TRAIP: variants seen among roughly 807,000 people sequenced by gnomAD.
The protein encoded by TRAIP is TRAF interacting protein.
Under a neutral mutation model 65.0 loss-of-function variants are expected in TRAIP, and 37 were observed. That is an observed-to-expected ratio of 0.57 (90% CI 0.44 to 0.75). The LOEUF (loss-of-function observed/expected upper bound fraction) is 0.75, where lower values mean the gene tolerates loss of function less well. TRAIP is among the 30% of genes least tolerant of loss of function. The pLI, the probability that TRAIP is intolerant of heterozygous loss-of-function variation, is 0.00. For missense variants in TRAIP, 481 were observed against 579.4 expected (o/e 0.83, Z 1.74); for synonymous variants, 187 against 219.1 (o/e 0.85, Z 1.29).
At chr3:49,856,268 C>A in intron 1 of TRAIP, 88 bp downstream of exon 1, 1 of 1,158,530 alleles carries the variant, frequency 8.6e-7, no homozygotes, top group Non-Finnish European at 1.3e-6. Context: ...GTCTGGATTC[C>A]GGGGTTGGAC....
chr3:49,842,023 C>T, intron 6 of TRAIP, 84 bp from the exon 7 acceptor site: 3 of 1,123,350 alleles, frequency 2.7e-6, no homozygotes, highest in Non-Finnish European at 4.0e-6. Context: ...TCCTTTGCTG[C>T]CGTTGCTAAG....
chr3:49,843,689 C>T, intron 5 of TRAIP, 112 bp downstream of exon 5: 1 of 1,466,536 alleles, frequency 6.8e-7, no homozygotes, highest in Non-Finnish European at 9.3e-7. Context: ...TACAACTCCC[C>T]AAACCAAGGT....
chr3:49,835,680 C>T (rs536613039), intron 10 of TRAIP, among the ~76,000 whole-genome samples: 3 of 152,138 alleles, frequency 2.0e-5, no homozygotes, highest in East Asian at 3.9e-4. Flanking sequence ...TGGCGCACAC[C>T]TGTAATCCCA....
Position 49,845,536 on chromosome 3 carries a change from G to A in TRAIP, c.241-956C>T, listed in dbSNP as rs576398443. On this transcript the variant is annotated intron_variant, in intron 3 of 14. Transcript: ENST00000331456. ...CAAACTCTCCACCTAGGACTCTGGG[G>A]GCAAGAGCTTCTGGTGGCTGGGCTG... Among the ~76,000 whole-genome samples, 28 of 152,338 alleles carry A rather than the reference G, an allele frequency of 1.8e-4. No homozygotes were observed. The South Asian group carries it at 5.4e-3, about 29-fold the overall frequency.
At position 49,829,069 on chromosome 3, in the gene TRAIP, G is replaced by A. The variant is rs764405611; in HGVS notation, c.*34C>T. ...ACAGTCCTTGACCTACAAGTTGCAG[G>A]CATGTGTCTGGCCATTGGTCAGACT... On this transcript the variant is annotated 3_prime_UTR_variant, in exon 15 of 15. Transcript: ENST00000331456. The A allele has an allele frequency of 2.3e-5, 37 of 1,613,940 alleles. No individual in the cohort carries two copies. Among genetic ancestry groups the A allele is most frequent in the Non-Finnish European group, 3.1e-5 (37 of 1,179,946 alleles).
In TRAIP at chr3:49,829,729, C is replaced by T. The variant is rs2081715743; in HGVS notation, c.1124G>A (p.Gly375Glu). 1 of 1,614,056 alleles carries T rather than the reference C, an allele frequency of 6.2e-7. No homozygotes were observed. Among genetic ancestry groups the T allele is most frequent in the South Asian group, 1.1e-5 (1 of 91,090 alleles). Residue 375 changes from glycine to glutamate, a missense_variant, in exon 13 of 15, where the codon GGA (glycine) becomes GAA (glutamate). Transcript: ENST00000331456. ...QLSLGGQSCA[G>E]EPDEELVGAF... ...ACCAACCAGTTCCTCATCTGGCTCTCCTGCACAGCTCTGGCCACCCAGTGA... is the reference window on the plus strand; with the variant it reads ...ACCAACCAGTTCCTCATCTGGCTCTTCTGCACAGCTCTGGCCACCCAGTGA...
intron 4 of TRAIP, among the ~76,000 whole-genome samples, chr3:49,844,305 T>C (rs2081865228): frequency 1.3e-5 from 2 of 152,164 alleles, no homozygotes; most frequent in Non-Finnish European, 2.9e-5. Context: ...TCTTGGTTCC[T>C]GGGCAAGAAG....
chr3:49,852,005 A>AT (rs2081936086), intron 1 of TRAIP, among the ~76,000 whole-genome samples: 1 of 151,466 alleles, frequency 6.6e-6, no homozygotes, highest in Non-Finnish European at 1.5e-5. Context: ...CCAAAAAAAC[A>AT]TTTTTTTAAG....
At chr3:49,844,762 G>T (rs916035462) in intron 3 of TRAIP, among the ~76,000 whole-genome samples, 182 bp from the exon 4 acceptor site, 1 of 152,244 alleles carries the variant, frequency 6.6e-6, no homozygotes, top group East Asian at 1.9e-4. Context: ...GTAGCTCTAT[G>T]TGCCCTTTTG....
intron 10 of TRAIP, among the ~76,000 whole-genome samples, chr3:49,837,172 T>C (rs1163697465): frequency 6.6e-6 from 1 of 152,008 alleles, no homozygotes; most frequent in African/African-American, 2.4e-5. Context: ...GGCAGAGTCT[T>C]TGAGGTCACT....
At chr3:49,849,657 C>T (rs2108320683) in intron 1 of TRAIP, among the ~76,000 whole-genome samples, 1 of 151,798 alleles carries the variant, frequency 6.6e-6, no homozygotes, top group Non-Finnish European at 1.5e-5. Context: ...AAAAGCAAAA[C>T]ACAGCTGAGC....
At chr3:49,851,441 T>G (rs1184024765) in intron 1 of TRAIP, among the ~76,000 whole-genome samples, 2 of 152,222 alleles carry the variant, frequency 1.3e-5, no homozygotes, top group African/African-American at 4.8e-5. Context: ...CAGGCTGGAG[T>G]GCAGCAGCAC....
chr3:49,842,393 C>T (rs927644431), intron 6 of TRAIP, 60 bp downstream of exon 6: 9 of 1,537,124 alleles, frequency 5.9e-6, no homozygotes, highest in Non-Finnish European at 8.1e-6. Flanking sequence ...GTCCTAAGAA[C>T]TGTACCACTT....
At chr3:49,838,091 C>T (rs1181072091) in intron 10 of TRAIP, among the ~76,000 whole-genome samples, 1 of 152,128 alleles carries the variant, frequency 6.6e-6, no homozygotes, top group African/African-American at 2.4e-5. Flanking sequence ...TGGTCTTGAA[C>T]TCCTGGACTC....
intron 10 of TRAIP, among the ~76,000 whole-genome samples, chr3:49,834,730 T>G (rs2081765810): frequency 6.6e-6 from 1 of 152,034 alleles, no homozygotes; most frequent in South Asian, 2.1e-4. Context: ...CCTACCCACA[T>G]AGGTTGGCCT....
chr3:49,828,922 G>A lies in TRAIP; in HGVS notation c.*181C>T, dbSNP rs548896877. On this transcript the variant is annotated 3_prime_UTR_variant, in exon 15 of 15. Transcript: ENST00000331456. ...CATGTCAGCTCCCAGTCGTAGGAGT[G>A]GGGCAGGGTGAGGGCAGGAAGAGCA... 25 of 767,366 alleles carry A rather than the reference G, an allele frequency of 3.3e-5. No homozygotes were observed. In the East Asian group the frequency reaches 6.5e-4, roughly 20 times the overall value. The allele number at this position is 767,366 out of a possible 1,614,324, so 47.5% of individuals were successfully genotyped here. A position where few individuals can be genotyped will look rare whatever the true frequency, so the allele number is the denominator to read the frequency against.
chr3:49,830,027 G>A lies in TRAIP; in HGVS notation c.1079C>T (p.Pro360Leu), dbSNP rs770515564. ...QDVPKKICKGPRKESQLSLGG... is the reference protein window; with the variant it reads ...QDVPKKICKGLRKESQLSLGG... ...CTTCTAGAAAGCTCTTACCTTCCTG[G>A]GGCCTTTGCATATCTTCTTGGGGAC... Residue 360 changes from proline to leucine, a missense_variant, in exon 12 of 15, where the codon CCC becomes CTC. Pro to Leu is a moderately conservative substitution (Grantham distance 98). Transcript: ENST00000331456. The A allele has an allele frequency of 2.2e-5, 36 of 1,614,154 alleles. No individual in the cohort carries two copies. In the South Asian group the frequency reaches 3.5e-4, roughly 16 times the overall value.
At position 49,851,073 on chromosome 3, in the gene TRAIP, A is replaced by C. The variant is rs2081926908; in HGVS notation, c.99-2873T>G. Among the ~76,000 whole-genome samples, 5 of 151,762 alleles carry C rather than the reference A, an allele frequency of 3.3e-5. No individual in the cohort carries two copies. The South Asian group carries it at 1.0e-3, about 31-fold the overall frequency. On this transcript the variant is annotated intron_variant, in intron 1 of 14. Coordinates refer to ENST00000331456, the MANE Select transcript of TRAIP (RefSeq NM_005879.3). ...TGGCTCACAGCTGACTCTACCTCCC[A>C]GGCTCAGGTGATGATCACCTCAGCA...
chr3:49,830,353 C>T (rs2081721307), intron 11 of TRAIP, among the ~76,000 whole-genome samples: 2 of 152,196 alleles, frequency 1.3e-5, no homozygotes, highest in African/African-American at 2.4e-5. Context: ...CTCAAGTCCT[C>T]GGGCACCTCA....
Sources: allele counts gnomAD v4.1 joint callset (sites outside exome capture counted in the v4.1 genomes callset), GRCh38; gene constraint gnomAD v4.1.1; transcripts MANE v1.5; gene names NCBI Gene and HGNC (gene_info 2026-07-23, HGNC 2026-07-21).